PRR5: variants seen among roughly 807,000 people sequenced by gnomAD.
PRR5 encodes proline rich 5.
A neutral mutation model predicts 30.6 loss-of-function variants in PRR5; 25 were observed. That is an observed-to-expected ratio of 0.82 (90% CI 0.60 to 1.14). PRR5 has a LOEUF of 1.14. Among genes scored for constraint, PRR5 ranks in the 50% most tolerant of loss-of-function variants. The pLI is 0.00. For missense variants in PRR5, 600 were observed against 547.1 expected (o/e 1.10, Z -0.96); for synonymous variants, 286 against 247.1 (o/e 1.16, Z -1.48).
Position 44,725,352 on chromosome 22 carries a change from G to A in PRR5, c.264+60G>A, listed in dbSNP as rs1034275153. The stretch of plus-strand genomic sequence containing the variant: ...CCTCATGAGCCAGCCAGAAAGCACA[G>A]GGGCTCACCTGCCCCCGGGGGTGTG... On this transcript the variant is annotated intron_variant, in intron 3 of 7. Transcript: ENST00000336985. 7.5e-6 allele frequency: 12 copies of A among 1,605,180 alleles called. No individual in the cohort carries two copies. The African/African-American group carries it at 9.3e-5, about 13-fold the overall frequency.
chr22:44,733,857 G>T (rs1922692086), intron 6 of PRR5, among the ~76,000 whole-genome samples: 1 of 152,204 alleles, frequency 6.6e-6, no homozygotes, highest in African/African-American at 2.4e-5. Flanking sequence ...AGGCGACTTT[G>T]CTCACCCCCA....
At chr22:44,736,680 C>T in intron 7 of PRR5, 92 bp from the exon 8 acceptor site, 1 of 1,485,688 alleles carries the variant, frequency 6.7e-7, no homozygotes. Flanking sequence ...GCTGCCCCTG[C>T]ACAGGGACCC....
intron 1 of PRR5, among the ~76,000 whole-genome samples, chr22:44,682,997 G>T (rs992191324): frequency 6.6e-6 from 1 of 152,228 alleles, no homozygotes; most frequent in Admixed American, 6.5e-5. Context: ...ACCAGACCAG[G>T]CTTAAGGGAA....
chr22:44,704,618 T>C (rs780915547), intron 1 of PRR5, among the ~76,000 whole-genome samples: 7 of 152,088 alleles, frequency 4.6e-5, no homozygotes, highest in Middle Eastern at 3.4e-3. Flanking sequence ...GGCACGGCCA[T>C]TTCCTGCACT....
chr22:44,712,647 G>A (rs951629017), intron 1 of PRR5, among the ~76,000 whole-genome samples: 1 of 152,234 alleles, frequency 6.6e-6, no homozygotes, highest in African/African-American at 2.4e-5. Flanking sequence ...GGGAAGGGTA[G>A]AGTTAAAGCA....
At chr22:44,674,675 C>T (rs753469358), upstream of PRR5, among the ~76,000 whole-genome samples, 3 of 151,250 alleles carry the variant, frequency 2.0e-5, no homozygotes, top group Non-Finnish European at 2.9e-5. Context: ...GAGCCAAGAC[C>T]GCCACTGCAC....
chr22:44,698,333 G>C (rs150162317), upstream of PRR5, among the ~76,000 whole-genome samples: 2,297 of 151,470 alleles, frequency 0.015, 24 homozygotes, highest in Middle Eastern at 0.072. Context: ...GGGTGGCTCT[G>C]GTGGCTTTGG....
At chr22:44,674,412 G>A (rs570646751), upstream of PRR5, among the ~76,000 whole-genome samples, 3 of 152,208 alleles carry the variant, frequency 2.0e-5, no homozygotes, top group South Asian at 2.1e-4. Flanking sequence ...GAGATGGGTG[G>A]ATCGCCTGAG....
At chr22:44,721,824 C>T (rs1362602682) in intron 2 of PRR5, among the ~76,000 whole-genome samples, 3 of 152,228 alleles carry the variant, frequency 2.0e-5, no homozygotes, top group Non-Finnish European at 4.4e-5. Flanking sequence ...GCCCTCCAGC[C>T]CTGACTTGCT....
At chr22:44,699,945 T>A (rs1055609329), upstream of PRR5, among the ~76,000 whole-genome samples, 1 of 144,332 alleles carries the variant, frequency 6.9e-6, no homozygotes, top group South Asian at 2.2e-4. Context: ...TTTTTTTTTT[T>A]ACAGCAGTAA....
intron 1 of PRR5, among the ~76,000 whole-genome samples, chr22:44,685,492 G>T (rs762681492): frequency 1.2e-4 from 18 of 152,228 alleles, no homozygotes; most frequent in Non-Finnish European, 2.1e-4. Context: ...TTATCCCTCA[G>T]TTTCTCCTTA....
intron 4 of PRR5, 149 bp downstream of exon 4, chr22:44,726,783 A>G: frequency 4.8e-6 from 6 of 1,246,292 alleles, no homozygotes; most frequent in Non-Finnish European, 4.4e-6. Flanking sequence ...GCCTTAGGGC[A>G]GCAGGGCCGA....
intron 3 of PRR5, among the ~76,000 whole-genome samples, chr22:44,725,792 G>A (rs1920934043): frequency 6.6e-6 from 1 of 152,018 alleles, no homozygotes; most frequent in African/African-American, 2.4e-5. Flanking sequence ...AGCCTCCCCA[G>A]GAGCTGGGAT....
intron 4 of PRR5, chr22:44,731,402 G>A: frequency 4.6e-6 from 2 of 433,588 alleles, no homozygotes; most frequent in East Asian, 9.1e-5. Context: ...TCTGGTATGT[G>A]ACAAAGGCCT....
At chr22:44,695,378 A>G (rs536319649) in intron 1 of PRR5, among the ~76,000 whole-genome samples, 1 of 152,222 alleles carries the variant, frequency 6.6e-6, no homozygotes. Flanking sequence ...ACAAGGATCA[A>G]TAACAAGGGT....
chr22:44,703,772 C>T (rs1045520579), intron 1 of PRR5, among the ~76,000 whole-genome samples: 2 of 152,172 alleles, frequency 1.3e-5, no homozygotes, highest in African/African-American at 4.8e-5. Context: ...AATCCTAGCA[C>T]TTTGGGAGGC....
rs76493667 is a variant in PRR5 at position 44,679,899 on chromosome 22, G to A, written c.-11+2659G>A. 2,875 of 1,567,072 alleles carry A rather than the reference G, an allele frequency of 1.8e-3. 52 individuals are homozygous for A. In the African/African-American group the frequency reaches 0.03, roughly 16 times the overall value. On this transcript the variant is annotated intron_variant, in intron 1 of 8. Coordinates refer to the PRR5 transcript ENST00000006251. ...GGGCTTGTACAGGTGCCACTGTGCC[G>A]AAGGGTGGCTACGAGGGAGGCAGGT... is the stretch of plus-strand genomic sequence containing the variant.
chr22:44,706,268 T>C (rs1450677017), intron 1 of PRR5, among the ~76,000 whole-genome samples: 1 of 152,202 alleles, frequency 6.6e-6, no homozygotes, highest in Admixed American at 6.5e-5. Context: ...GATTGATTCA[T>C]TCATTCATTC....
chr22:44,697,271 C>T (rs1431674273), upstream of PRR5, among the ~76,000 whole-genome samples: 1 of 152,222 alleles, frequency 6.6e-6, no homozygotes, highest in African/African-American at 2.4e-5. Context: ...CGTGGTGGCC[C>T]TGACTCAGGA....
Sources: gnomAD v4.1 joint callset for allele counts (sites outside exome capture counted in the v4.1 genomes callset) on GRCh38, gnomAD v4.1.1 for gene constraint, MANE v1.5 for transcripts, NCBI Gene and HGNC (gene_info 2026-07-23, HGNC 2026-07-21) for gene names.